PIK3CA: variants seen among roughly 807,000 people sequenced by gnomAD.
PIK3CA encodes phosphatidylinositol 4,5-bisphosphate 3-kinase catalytic subunit alpha isoform.
In PIK3CA, 27 loss-of-function variants were observed where a neutral mutation model predicts 138.2. That is an observed-to-expected ratio of 0.20 (90% CI 0.14 to 0.27). The LOEUF (loss-of-function observed/expected upper bound fraction) is 0.27. PIK3CA is among the 10% of genes least tolerant of loss of function. The pLI is 1.00. For synonymous variants in PIK3CA, 358 were observed against 413.2 expected, an observed-to-expected ratio of 0.87 and a Z score of 1.62; for missense variants, 544 against 1,277.4, an observed-to-expected ratio of 0.43 and a Z score of 8.75.
chr3:179,224,875 A>T (rs2108418420), intron 16 of PIK3CA, 54 bp downstream of exon 16: 1 of 1,314,096 alleles, frequency 7.6e-7, no homozygotes, highest in Non-Finnish European at 1.1e-6. Flanking sequence ...ATCTTTTTAT[A>T]CACAGGATAT....
chr3:179,168,551 T>A (rs1478717422), intron 1 of PIK3CA, among the ~76,000 whole-genome samples: 1 of 152,136 alleles, frequency 6.6e-6, no homozygotes, highest in Non-Finnish European at 1.5e-5. Context: ...TATCTTTAAT[T>A]TCCTTTCTTC....
chr3:179,214,423 C>T (rs1377429117), intron 9 of PIK3CA, among the ~76,000 whole-genome samples: 2 of 152,052 alleles, frequency 1.3e-5, no homozygotes, highest in Non-Finnish European at 2.9e-5. Context: ...GAAAGAGGAG[C>T]AAAGGTTGGT....
At chr3:179,206,957 A>G (rs1724578740) in intron 6 of PIK3CA, among the ~76,000 whole-genome samples, 1 of 151,982 alleles carries the variant, frequency 6.6e-6, no homozygotes, top group Non-Finnish European at 1.5e-5. Flanking sequence ...CTTATTTAAT[A>G]ATATATGATT....
chr3:179,230,432 AC>A lies in PIK3CA; in HGVS notation c.2936+57del. ...AAGAGTTCTGGCTGCTCTATTAGAA[AC>A]AATCAATATTTTTCAAGCAATTTCA... is the stretch of plus-strand genomic sequence containing the variant. On this transcript the variant is annotated intron_variant, in intron 20 of 20. Coordinates refer to ENST00000263967, the MANE Select transcript of PIK3CA (RefSeq NM_006218.4). This position sits in a 1 kb window ranked among gnomAD's most constrained non-coding sequence, Gnocchi z 5.4. The A allele has an allele frequency of 7.1e-7, 1 of 1,399,880 alleles. No individual in the cohort carries two copies. Among genetic ancestry groups the A allele is most frequent in the South Asian group, 1.3e-5 (1 of 75,246 alleles). 86.7% of individuals were successfully genotyped at this position (1,399,880 alleles called of 1,614,324 possible).
At chr3:179,152,920 T>C (rs1355422173) in intron 1 of PIK3CA, among the ~76,000 whole-genome samples, 2 of 152,102 alleles carry the variant, frequency 1.3e-5, no homozygotes, top group African/African-American at 2.4e-5. Flanking sequence ...TTCACACATA[T>C]ATAATAATAT....
At chr3:179,202,441 A>G (rs2108391311) in intron 4 of PIK3CA, among the ~76,000 whole-genome samples, 1 of 152,344 alleles carries the variant, frequency 6.6e-6, no homozygotes, top group South Asian at 2.1e-4. Context: ...CAAAAAATCC[A>G]TGACCTACTG....
At position 179,238,106 on chromosome 3, in the gene PIK3CA, T is replaced by C. The variant is rs914185862; in HGVS notation, c.*3742T>C. 3.5e-5 allele frequency: 8 copies of C among 225,386 alleles called. No homozygotes were observed. The highest frequency in any genetic ancestry group is 1.8e-4 in the African/African-American group (8 of 44,844). The allele number at this position is 225,386 out of a possible 1,614,324, so 14.0% of individuals were successfully genotyped here. A position where few individuals can be genotyped will look rare whatever the true frequency, so the allele number is the denominator to read the frequency against. On this transcript the variant is annotated 3_prime_UTR_variant, in exon 21 of 21. Coordinates refer to ENST00000263967, the MANE Select transcript of PIK3CA (RefSeq NM_006218.4). The stretch of plus-strand genomic sequence containing the variant: ...GGAGGAGTTGTTTGAATGAATTACA[T>C]TCTTTATATCCATCCTGCTCATTTG...
rs953170339 is a variant in PIK3CA at position 179,220,746 on chromosome 3, A to G, written c.2016-240A>G. ...TTATATCTTGTACTGAGATTAGTCA[A>G]TGAAAACTAGTTGAAATAAACCTAA... On this transcript the variant is annotated intron_variant, in intron 13 of 20. Transcript: ENST00000263967. This position sits in a 1 kb window ranked among gnomAD's most constrained non-coding sequence, Gnocchi z 4.1. Among the ~76,000 whole-genome samples, 1 of 152,160 alleles carries G rather than the reference A, an allele frequency of 6.6e-6. No individual in the cohort carries two copies. The highest frequency in any genetic ancestry group is 1.5e-5 in the Non-Finnish European group (1 of 68,020).
chr3:179,179,864 CTG>C (rs1181368093), intron 1 of PIK3CA, among the ~76,000 whole-genome samples: 1 of 152,112 alleles, frequency 6.6e-6, no homozygotes, highest in Non-Finnish European at 1.5e-5. Context: ...TTTAATAAGA[CTG>C]TGAAGGGACT....
At chr3:179,202,175 T>C (rs1214622754) in intron 4 of PIK3CA, among the ~76,000 whole-genome samples, 4 of 152,090 alleles carry the variant, frequency 2.6e-5, no homozygotes, top group Non-Finnish European at 5.9e-5. Flanking sequence ...AGCAGTCCTC[T>C]CACCTCAGCC....
In PIK3CA at chr3:179,237,595, A is replaced by G. The variant is rs543738161; in HGVS notation, c.*3231A>G. The G allele has an allele frequency of 4.8e-6, 1 of 207,542 alleles. No individual in the cohort carries two copies. The highest frequency in any genetic ancestry group is 5.9e-5 in the Admixed American group (1 of 16,836). The allele number at this position is 207,542 out of a possible 1,614,324, so 12.9% of individuals were successfully genotyped here. A position where few individuals can be genotyped will look rare whatever the true frequency, so the allele number is the denominator to read the frequency against. ...TTTTAAATGGATTGGTGACTTTCAC[A>G]TAGGTAAAACACAGTCCATCTGTAT... On this transcript the variant is annotated 3_prime_UTR_variant, in exon 21 of 21. Transcript: ENST00000263967.
chr3:179,219,863 G>A lies in PIK3CA; in HGVS notation c.1912-86G>A. 3.2e-6 allele frequency: 5 copies of A among 1,550,152 alleles called. No homozygotes were observed. The highest frequency in any genetic ancestry group is 2.0e-5 in the Admixed American group (1 of 49,398). On this transcript the variant is annotated intron_variant, in intron 12 of 20. Transcript: ENST00000263967. The surrounding 1 kb of genome is among the most constrained non-coding windows in gnomAD (Gnocchi z 4.2). The stretch of plus-strand genomic sequence containing the variant: ...TGCTTAAAAAAAAAAATTATTACCA[G>A]TAATATCCACTTTCTTTCTGAAAAA...
chr3:179,181,300 A>AT (rs374561642), intron 1 of PIK3CA, among the ~76,000 whole-genome samples: 178 of 149,664 alleles, frequency 1.2e-3, no homozygotes, highest in African/African-American at 4.1e-3. Flanking sequence ...AAGAAACATT[A>AT]TTTTTTTTTT....
intron 4 of PIK3CA, among the ~76,000 whole-genome samples, chr3:179,203,042 G>A (rs1223655702): frequency 6.8e-5 from 10 of 147,202 alleles, no homozygotes; most frequent in East Asian, 2.0e-4. Flanking sequence ...CCGGGTTCAC[G>A]CCATTCTCCT....
chr3:179,157,877 A>G (rs1419640268), intron 1 of PIK3CA, among the ~76,000 whole-genome samples: 5 of 152,160 alleles, frequency 3.3e-5, no homozygotes, highest in Non-Finnish European at 7.4e-5. Flanking sequence ...TCTCCGGGTA[A>G]TACGTATTTC....
chr3:179,210,935 A>G (rs1012780585), intron 9 of PIK3CA, among the ~76,000 whole-genome samples: 2 of 152,238 alleles, frequency 1.3e-5, no homozygotes, highest in African/African-American at 4.8e-5. Context: ...TGACCCTTGA[A>G]CAACATGGAT....
In PIK3CA at chr3:179,239,872, C is replaced by G. The variant is rs1169777006; in HGVS notation, c.*5508C>G. The G allele has an allele frequency of 1.4e-5, 8 of 577,052 alleles. No individual in the cohort carries two copies. Among genetic ancestry groups the G allele is most frequent in the Non-Finnish European group, 2.4e-5 (8 of 332,312 alleles). The allele number at this position is 577,052 out of a possible 1,614,324, so 35.7% of individuals were successfully genotyped here. A position where few individuals can be genotyped will look rare whatever the true frequency, so the allele number is the denominator to read the frequency against. On this transcript the variant is annotated 3_prime_UTR_variant, in exon 21 of 21. Transcript: ENST00000263967. ...GTCCTTTTAATGATGGCCCAGAAAG[C>G]ATTTGACACAGCAAGATGCATGTGT...
At chr3:179,189,175 C>G (rs1171872184) in intron 1 of PIK3CA, among the ~76,000 whole-genome samples, 1 of 152,058 alleles carries the variant, frequency 6.6e-6, no homozygotes, top group Non-Finnish European at 1.5e-5. Context: ...AATCATGCCA[C>G]TGCACTCCAG....
rs893524339 is a variant in PIK3CA at position 179,239,063 on chromosome 3, A to T, written c.*4699A>T. ...AGCCATGAGGAAATTTTCTGACTTA[A>T]TTTGTACACAACTACATATAAGAGT... is the stretch of plus-strand genomic sequence containing the variant. On this transcript the variant is annotated 3_prime_UTR_variant, in exon 21 of 21. Transcript: ENST00000263967. 1 of 217,676 alleles carries T rather than the reference A, an allele frequency of 4.6e-6. No homozygotes were observed. Among genetic ancestry groups the T allele is most frequent in the African/African-American group, 2.2e-5 (1 of 44,450 alleles). The allele number at this position is 217,676 out of a possible 1,614,324, so 13.5% of individuals were successfully genotyped here.
Sources: allele counts gnomAD v4.1 joint callset (sites outside exome capture counted in the v4.1 genomes callset), GRCh38; gene constraint gnomAD v4.1.1; non-coding constraint Gnocchi (gnomAD v3.1); transcripts MANE v1.5; gene names NCBI Gene and HGNC (gene_info 2026-07-23, HGNC 2026-07-21).